HERC3: variants seen among roughly 807,000 people sequenced by gnomAD.
HERC3 encodes the protein probable E3 ubiquitin-protein ligase HERC3.
HERC3 carries 58 observed loss-of-function variants against 129.9 expected under a neutral mutation model. The ratio of observed to expected loss-of-function variants is 0.45; its 90% CI spans 0.36 to 0.56. HERC3 has a LOEUF of 0.56. HERC3 is among the 20% of genes least tolerant of loss of function. The pLI is 0.00. For missense variants in HERC3, 835 were observed against 1,244.2 expected (o/e 0.67, Z 4.95); for synonymous variants, 430 against 451.0 (o/e 0.95, Z 0.59).
chr4:88,569,190 C>T, the HERC3 span, among the ~76,000 whole-genome samples: 6 of 152,150 alleles, frequency 3.9e-5, no homozygotes, highest in African/African-American at 1.4e-4. Context: ...CAAAATGCTC[C>T]CTCCATGTGT....
intron 10 of HERC3, 101 bp from the exon 11 acceptor site, chr4:88,662,330 C>A: frequency 8.3e-7 from 1 of 1,203,462 alleles, no homozygotes; most frequent in South Asian, 1.5e-5. Context: ...GCATTTAGAT[C>A]ATAAGTGAAA....
intron 4 of HERC3, 147 bp from the exon 5 acceptor site, chr4:88,651,865 G>A (rs1729323321): frequency 3.1e-6 from 2 of 645,078 alleles, no homozygotes; most frequent in Non-Finnish European, 5.5e-6. Context: ...TGAGATTACA[G>A]GCGTGAACCA....
Position 88,681,143 on chromosome 4 carries a change from T to C in HERC3, c.2341-16T>C. On this transcript the variant is annotated splice_polypyrimidine_tract_variant and intron_variant, in intron 20 of 25. Coordinates refer to ENST00000402738, the MANE Select transcript of HERC3 (RefSeq NM_014606.3). ...ATTGCATTTCTTTTTAACACATTTG[T>C]ATGTGTCCTAAAAAGTGTTTTGTAG... 2 of 1,591,242 alleles carry C rather than the reference T, an allele frequency of 1.3e-6. No individual in the cohort carries two copies. The highest frequency in any genetic ancestry group is 1.7e-6 in the Non-Finnish European group (2 of 1,169,588).
chr4:88,638,742 G>A (rs1338132985), intron 3 of HERC3, among the ~76,000 whole-genome samples: 2 of 152,112 alleles, frequency 1.3e-5, no homozygotes, highest in African/African-American at 4.8e-5. Context: ...TCTGGTCAGG[G>A]CAATCAATCA....
chr4:88,649,025 T>G (rs1728990799), intron 3 of HERC3, among the ~76,000 whole-genome samples: 2 of 152,230 alleles, frequency 1.3e-5, no homozygotes, highest in Admixed American at 1.3e-4. Flanking sequence ...ATATCTTCTT[T>G]GATTTCTCAA....
chr4:88,681,402 C>T, intron 21 of HERC3, 77 bp downstream of exon 21: 1 of 1,259,940 alleles, frequency 7.9e-7, no homozygotes, highest in Non-Finnish European at 1.1e-6. Context: ...TTGAAAATAC[C>T]ATCTGTACAA....
intron 9 of HERC3, 185 bp downstream of exon 9, chr4:88,656,220 T>A: frequency 1.6e-6 from 1 of 611,508 alleles, no homozygotes; most frequent in South Asian, 2.2e-5. Flanking sequence ...TCCTAGAGAA[T>A]AAATAAAGCA....
chr4:88,594,476 T>C (rs1722118073), intron 1 of HERC3, among the ~76,000 whole-genome samples: 1 of 152,172 alleles, frequency 6.6e-6, no homozygotes, highest in Non-Finnish European at 1.5e-5. Flanking sequence ...CGATCTCGGC[T>C]CACTGCAACC....
At chr4:88,558,820 T>G in the HERC3 span, among the ~76,000 whole-genome samples, 1 of 151,108 alleles carries the variant, frequency 6.6e-6, no homozygotes, top group South Asian at 2.1e-4. Flanking sequence ...AAAGAAAAAT[T>G]AGCCAGGCAT....
chr4:88,591,559 G>A (rs1250549736), upstream of HERC3, among the ~76,000 whole-genome samples: 1 of 152,120 alleles, frequency 6.6e-6, no homozygotes, highest in African/African-American at 2.4e-5. Flanking sequence ...TTGGATTAAA[G>A]CAGTACCGTG....
chr4:88,663,434 T>C (rs543416033), intron 11 of HERC3, among the ~76,000 whole-genome samples: 5 of 152,310 alleles, frequency 3.3e-5, no homozygotes, highest in East Asian at 1.9e-4. Context: ...ATGGTGACAC[T>C]TTACCATTAG....
intron 3 of HERC3, among the ~76,000 whole-genome samples, chr4:88,639,718 A>G (rs1259360496): frequency 6.6e-6 from 1 of 152,248 alleles, no homozygotes; most frequent in Admixed American, 6.5e-5. Flanking sequence ...AATTGCAACA[A>G]AAGCCAAAAT....
chr4:88,552,897 G>A, the HERC3 span, among the ~76,000 whole-genome samples: 1 of 151,920 alleles, frequency 6.6e-6, no homozygotes, highest in Non-Finnish European at 1.5e-5. Context: ...TCCCTCTTTC[G>A]CTACCCTCCA....
chr4:88,669,909 C>A lies in HERC3; in HGVS notation c.1683C>A (p.Asn561Lys). ...VCPKYFMKLV[N>K]LYKGAVLYLL... ...CGAAATATTTCATGAAGCTGGTAAA[C>A]CTCTATAAAGGTGCAGTCCTTTATC... The change falls in exon 15 of 26, where the codon AAC (asparagine) becomes AAA (lysine). Residue 561 changes from asparagine (N) to lysine (K), a missense_variant. Asn to Lys is a moderately conservative substitution (Grantham distance 94). Transcript: ENST00000402738. 1.9e-6 allele frequency: 3 copies of A among 1,613,498 alleles called. No individual in the cohort carries two copies. The highest frequency in any genetic ancestry group is 2.5e-6 in the Non-Finnish European group (3 of 1,179,572).
chr4:88,559,060 T>C, the HERC3 span, among the ~76,000 whole-genome samples: 1 of 152,036 alleles, frequency 6.6e-6, no homozygotes, highest in Non-Finnish European at 1.5e-5. Flanking sequence ...TATTATGGAA[T>C]ATATTGATAG....
Position 88,670,158 on chromosome 4 carries a change from A to G in HERC3, c.1817A>G (p.His606Arg). ...CATTAGGTAAATCTTAAAGTGAAGC[A>G]TGTGGAATATGATACATTTTACATT... The part of the protein sequence containing the change: ...KLYKVNLKVK[H>R]VEYDTFYIPE... Residue 606 changes from histidine to arginine, a missense_variant, in exon 16 of 26, where the codon CAT (histidine) becomes CGT (arginine). His to Arg is a conservative substitution (Grantham distance 29). Transcript: ENST00000402738. 1 of 1,612,892 alleles carries G rather than the reference A, an allele frequency of 6.2e-7. No individual in the cohort carries two copies. The highest frequency in any genetic ancestry group is 8.5e-7 in the Non-Finnish European group (1 of 1,178,938).
the HERC3 span, among the ~76,000 whole-genome samples, chr4:88,573,834 A>G: frequency 6.6e-6 from 1 of 152,212 alleles, no homozygotes; most frequent in East Asian, 1.9e-4. Flanking sequence ...AAATGGTAAG[A>G]TTTGTCAGTC....
the HERC3 span, among the ~76,000 whole-genome samples, chr4:88,541,917 T>C: frequency 5.3e-5 from 8 of 152,274 alleles, no homozygotes; most frequent in East Asian, 9.6e-4. Context: ...AGACACAACA[T>C]ACCAGAATCT....
At chr4:88,573,035 G>A in the HERC3 span, among the ~76,000 whole-genome samples, 1 of 152,136 alleles carries the variant, frequency 6.6e-6, no homozygotes, top group African/African-American at 2.4e-5. Flanking sequence ...AAAAGAACAG[G>A]AAAAGTATTC....
Sources: gnomAD v4.1 joint callset for allele counts (sites outside exome capture counted in the v4.1 genomes callset) on GRCh38, gnomAD v4.1.1 for gene constraint, MANE v1.5 for transcripts, NCBI Gene and HGNC (gene_info 2026-07-23, HGNC 2026-07-21) for gene names.